Variants in GRB14 observed in about 807,000 individuals in gnomAD.
GRB14 encodes the protein growth factor receptor-bound protein 14.
A neutral mutation model predicts 69.1 loss-of-function variants in GRB14; 38 were observed. The observed-to-expected ratio is 0.55, with a 90% CI of 0.42 to 0.72. The LOEUF is 0.72. Among genes scored for constraint, GRB14 ranks in the 30% least tolerant of loss-of-function variants. The probability of loss-of-function intolerance (pLI) is 0.00; values close to 1 mark genes in which losing one functional copy is unlikely to be tolerated. For synonymous variants in GRB14, 247 were observed against 241.3 expected (o/e 1.02, Z -0.22); for missense variants, 666 against 666.1 (o/e 1.00, Z 0.00).
At chr2:164,557,565 A>C (rs1481356699) in intron 2 of GRB14, among the ~76,000 whole-genome samples, 2 of 152,190 alleles carry the variant, frequency 1.3e-5, no homozygotes, top group East Asian at 1.9e-4. Context: ...AGTCATTCCT[A>C]CCTACAATGG....
chr2:164,522,755 T>C (rs1449033824), intron 5 of GRB14, among the ~76,000 whole-genome samples: 1 of 152,040 alleles, frequency 6.6e-6, no homozygotes, highest in Non-Finnish European at 1.5e-5. Flanking sequence ...ACAGCAACAA[T>C]GTCTTCCATC....
intron 2 of GRB14, among the ~76,000 whole-genome samples, chr2:164,572,068 C>T (rs1220490895): frequency 6.6e-6 from 1 of 152,172 alleles, no homozygotes; most frequent in Non-Finnish European, 1.5e-5. Flanking sequence ...CTCATGACTC[C>T]TCTTTACCAA....
chr2:164,602,585 A>C (rs1689944564), intron 2 of GRB14, among the ~76,000 whole-genome samples: 1 of 152,224 alleles, frequency 6.6e-6, no homozygotes, highest in Non-Finnish European at 1.5e-5. Context: ...GCTCAAGAGG[A>C]GATTATACAG....
intron 2 of GRB14, among the ~76,000 whole-genome samples, chr2:164,592,137 T>C (rs1017086837): frequency 1.3e-5 from 2 of 151,958 alleles, no homozygotes; most frequent in Non-Finnish European, 2.9e-5. Context: ...TTTTTTTGTT[T>C]TGTTTTGTTT....
At chr2:164,495,968 ATTC>A (rs1299199025) in intron 12 of GRB14, among the ~76,000 whole-genome samples, 2 of 152,238 alleles carry the variant, frequency 1.3e-5, no homozygotes, top group Non-Finnish European at 2.9e-5. Flanking sequence ...CATTTTAATA[ATTC>A]TTTGTGACTC....
At chr2:164,542,266 C>T (rs1183298393) in intron 3 of GRB14, among the ~76,000 whole-genome samples, 2 of 152,110 alleles carry the variant, frequency 1.3e-5, no homozygotes, top group African/African-American at 4.8e-5. Flanking sequence ...GCACCACATA[C>T]AAAAATTAGC....
chr2:164,600,534 A>G (rs1158490805), intron 2 of GRB14, among the ~76,000 whole-genome samples: 1 of 152,130 alleles, frequency 6.6e-6, no homozygotes, highest in East Asian at 1.9e-4. Context: ...AAGCTGCCCC[A>G]GAATTATAAG....
chr2:164,577,335 C>A (rs1045357626), intron 2 of GRB14, among the ~76,000 whole-genome samples: 1 of 152,142 alleles, frequency 6.6e-6, no homozygotes, highest in Admixed American at 6.5e-5. Context: ...CTCTATGTCC[C>A]CACCCAATTC....
At chr2:164,561,729 T>C (rs905867026) in intron 2 of GRB14, among the ~76,000 whole-genome samples, 1 of 152,158 alleles carries the variant, frequency 6.6e-6, no homozygotes, top group Admixed American at 6.6e-5. Flanking sequence ...CTAAGCCAAT[T>C]TTCCTCATCC....
intron 2 of GRB14, among the ~76,000 whole-genome samples, chr2:164,557,350 T>C (rs1688704588): frequency 6.6e-6 from 1 of 152,154 alleles, no homozygotes; most frequent in Non-Finnish European, 1.5e-5. Flanking sequence ...GCCACCACAA[T>C]AGGAAATGCT....
At chr2:164,602,653 G>C (rs1689946898) in intron 2 of GRB14, among the ~76,000 whole-genome samples, 1 of 152,200 alleles carries the variant, frequency 6.6e-6, no homozygotes, top group Non-Finnish European at 1.5e-5. Flanking sequence ...AGTGTTATCT[G>C]AAACTTCAGT....
chr2:164,508,866 G>T lies in GRB14; in HGVS notation c.817-14C>A. 1 of 1,455,026 alleles carries T rather than the reference G, an allele frequency of 6.9e-7. No individual in the cohort carries two copies. Among genetic ancestry groups the T allele is most frequent in the Non-Finnish European group, 9.4e-7 (1 of 1,065,872 alleles). 90.1% of individuals were successfully genotyped at this position (1,455,026 alleles called of 1,614,324 possible). A position where few individuals can be genotyped will look rare whatever the true frequency, so the allele number is the denominator to read the frequency against. ...ATGCCGCGGTTCCTTAAAAAAAAAA[G>T]TATTGACATGGATACATATTTTTGC... On this transcript the variant is annotated splice_polypyrimidine_tract_variant and intron_variant, in intron 6 of 13. Transcript: ENST00000263915.
At chr2:164,525,548 T>C (rs1344305085) in intron 4 of GRB14, among the ~76,000 whole-genome samples, 1 of 152,034 alleles carries the variant, frequency 6.6e-6, no homozygotes, top group Non-Finnish European at 1.5e-5. Flanking sequence ...TCTTTCTACC[T>C]ACCATTTTTC....
At chr2:164,603,416 C>T (rs1475765586) in intron 2 of GRB14, among the ~76,000 whole-genome samples, 3 of 152,092 alleles carry the variant, frequency 2.0e-5, no homozygotes, top group Non-Finnish European at 4.4e-5. Context: ...GTAATCCTAG[C>T]ACTTTAGGAG....
chr2:164,597,532 T>C (rs1002175171), intron 2 of GRB14, among the ~76,000 whole-genome samples: 1 of 152,126 alleles, frequency 6.6e-6, no homozygotes, highest in Non-Finnish European at 1.5e-5. Context: ...TCCCTAAATC[T>C]AAAAATAAAC....
intron 2 of GRB14, among the ~76,000 whole-genome samples, chr2:164,579,618 G>C (rs1388390005): frequency 2.0e-5 from 3 of 151,958 alleles, no homozygotes; most frequent in Non-Finnish European, 4.4e-5. Flanking sequence ...ATGAGTCTCT[G>C]GAGAGAACCC....
At position 164,572,214 on chromosome 2, in the gene GRB14, G is replaced by A. The variant is rs73971042; in HGVS notation, c.325-24398C>T. On this transcript the variant is annotated intron_variant, in intron 2 of 13. Coordinates refer to ENST00000263915, the MANE Select transcript of GRB14 (RefSeq NM_004490.3). ...ATTATTGAAAGTAATGACAACAACCGCAATTACATTTGCACCAGTCTAATA... is the reference window on the plus strand; with the variant it reads ...ATTATTGAAAGTAATGACAACAACCACAATTACATTTGCACCAGTCTAATA... 3.7e-3 allele frequency among the ~76,000 whole-genome samples: 566 copies of A among 152,238 alleles called. 5 individuals carry two copies. Among genetic ancestry groups the A allele is most frequent in the African/African-American group, 0.012 (511 of 41,558 alleles).
chr2:164,577,195 A>G (rs2105334842), intron 2 of GRB14, among the ~76,000 whole-genome samples: 1 of 152,372 alleles, frequency 6.6e-6, no homozygotes, highest in East Asian at 1.9e-4. Flanking sequence ...TTTAAGGAAC[A>G]GATCATTTCA....
intron 2 of GRB14, among the ~76,000 whole-genome samples, chr2:164,562,781 G>C (rs1688865392): frequency 1.3e-5 from 2 of 152,164 alleles, no homozygotes; most frequent in African/African-American, 4.8e-5. Flanking sequence ...GGTTTTGAAA[G>C]AATGCTCCCA....
Sources: gnomAD v4.1 joint callset for allele counts (sites outside exome capture counted in the v4.1 genomes callset) on GRCh38, gnomAD v4.1.1 for gene constraint, MANE v1.5 for transcripts, NCBI Gene and HGNC (gene_info 2026-07-23, HGNC 2026-07-21) for gene names.